NOD2: variants seen among roughly 807,000 people sequenced by gnomAD.
The protein encoded by NOD2 is nucleotide-binding oligomerization domain-containing protein 2.
Under a neutral mutation model 90.9 loss-of-function variants are expected in NOD2, and 86 were observed. The ratio of observed to expected loss-of-function variants is 0.95; its 90% CI spans 0.79 to 1.13. The LOEUF is 1.13. Ranked by LOEUF, NOD2 falls within the 50% of genes most tolerant of loss-of-function variation. The pLI is 0.00. For missense variants in NOD2, 1,238 were observed against 1,283.8 expected, an observed-to-expected ratio of 0.96 and a Z score of 0.55; for synonymous variants, 581 against 554.6, an observed-to-expected ratio of 1.05 and a Z score of -0.67.
chr16:50,698,142 C>A (rs1021959691), intron 1 of NOD2: 1 of 152,480 alleles, frequency 6.6e-6, no homozygotes, highest in Non-Finnish European at 1.5e-5. Context: ...CATGCCTACA[C>A]CCTTTCACTT....
At chr16:50,731,225 T>C (rs966577638) in intron 11 of NOD2, among the ~76,000 whole-genome samples, 1 of 152,180 alleles carries the variant, frequency 6.6e-6, no homozygotes, top group Non-Finnish European at 1.5e-5. Context: ...AGATTTTTCC[T>C]TCTGTATGAT....
At chr16:50,724,535 G>T (rs1446336919) in intron 9 of NOD2, among the ~76,000 whole-genome samples, 3 of 152,212 alleles carry the variant, frequency 2.0e-5, no homozygotes, top group African/African-American at 4.8e-5. Flanking sequence ...CAGCTTGATT[G>T]GTTGCAGCTG....
chr16:50,699,983 G>T, intron 2 of NOD2, 29 bp downstream of exon 2: 1 of 1,589,114 alleles, frequency 6.3e-7, no homozygotes. Context: ...GCATCACAGA[G>T]TTCTCAGGAA....
chr16:50,697,266 C>G lies in NOD2; in HGVS notation c.-8-2222C>G, dbSNP rs373796134. ...TTGATGGGGGAAGAGGGTGGTTCAG[C>G]CTCTCACGATGAGGAGGAAAGAGCA... On this transcript the variant is annotated intron_variant, in intron 1 of 11. Coordinates refer to ENST00000647318, the MANE Select transcript of NOD2 (RefSeq NM_001370466.1). The G allele has an allele frequency of 6.4e-6, 10 of 1,559,574 alleles. No individual in the cohort carries two copies. The African/African-American group carries it at 1.4e-4, about 21-fold the overall frequency.
chr16:50,711,813 G>C lies in NOD2; in HGVS notation c.1821G>C (p.Arg607Ser). The part of the protein sequence containing the change: ...ALLRHLFNCG[R>S]PGNSPMARLL... ...TCAGACACCTCTTCAATTGTGGCAG[G>C]CCAGGCAACTCACCAATGGCCAGGC... Residue 607 changes from arginine to serine, a missense_variant, in exon 4 of 12, where the codon AGG becomes AGC. By Grantham distance (110) the Arg-to-Ser change is moderately radical. Transcript: ENST00000647318. The C allele has an allele frequency of 6.2e-7, 1 of 1,614,126 alleles. No homozygotes were observed. Among genetic ancestry groups the C allele is most frequent in the Non-Finnish European group, 8.5e-7 (1 of 1,179,974 alleles).
intron 2 of NOD2, among the ~76,000 whole-genome samples, chr16:50,705,351 T>G (rs1044106505): frequency 6.6e-6 from 1 of 152,224 alleles, no homozygotes; most frequent in Non-Finnish European, 1.5e-5. Context: ...TTCTTTCCCC[T>G]TCCCCCCTTT....
chr16:50,707,985 A>G lies in NOD2; in HGVS notation c.565+25A>G, dbSNP rs763281385. The G allele has an allele frequency of 8.7e-6, 13 of 1,489,812 alleles. 1 individual carries two copies. In the South Asian group the frequency reaches 1.5e-4, roughly 17 times the overall value. The allele number at this position is 1,489,812 out of a possible 1,614,324, so 92.3% of individuals were successfully genotyped here. A position where few individuals can be genotyped will look rare whatever the true frequency, so the allele number is the denominator to read the frequency against. ...GGTAGGTGTATGTTCTCAGTTAATC[A>G]GAAAGGGAAGGGCAGTCAGTGCAGA... On this transcript the variant is annotated intron_variant, in intron 3 of 11. Coordinates refer to ENST00000647318, the MANE Select transcript of NOD2 (RefSeq NM_001370466.1).
intron 9 of NOD2, 34 bp from the exon 10 acceptor site, chr16:50,725,455 G>A: frequency 6.6e-7 from 1 of 1,521,480 alleles, no homozygotes; most frequent in Non-Finnish European, 9.1e-7. Context: ...AATCAATGTT[G>A]TATCAACTGG....
intron 2 of NOD2, among the ~76,000 whole-genome samples, chr16:50,703,587 C>T (rs7500036): frequency 0.2 from 30,711 of 150,540 alleles, 3,837 homozygotes; most frequent in Non-Finnish European, 0.29. Context: ...TGCAGTGAGC[C>T]GAGATCGCAC....
At chr16:50,723,982 T>G (rs906182289) in intron 9 of NOD2, among the ~76,000 whole-genome samples, 3 of 152,164 alleles carry the variant, frequency 2.0e-5, no homozygotes, top group African/African-American at 2.4e-5. Context: ...CTAGGAGCAC[T>G]GGGTATTCAA....
At chr16:50,717,060 C>A in intron 6 of NOD2, 86 bp downstream of exon 6, 2 of 1,143,810 alleles carry the variant, frequency 1.7e-6, no homozygotes, top group Non-Finnish European at 2.7e-6. Context: ...CTGGCACTGC[C>A]CACACTGGCT....
At chr16:50,725,233 A>G (rs1324863536) in intron 9 of NOD2, among the ~76,000 whole-genome samples, 1 of 152,266 alleles carries the variant, frequency 6.6e-6, no homozygotes, top group Non-Finnish European at 1.5e-5. Context: ...GACTTCCATT[A>G]ATAAGGAAGA....
intron 10 of NOD2, among the ~76,000 whole-genome samples, chr16:50,727,138 CAAA>C (rs1184511634): frequency 8.1e-5 from 7 of 86,928 alleles, no homozygotes; most frequent in Non-Finnish European, 1.1e-4. Flanking sequence ...ACTTCCATCT[CAAA>C]AAAAAAAAAA....
intron 3 of NOD2, among the ~76,000 whole-genome samples, chr16:50,709,262 C>T (rs1026969671): frequency 3.9e-5 from 6 of 152,124 alleles, no homozygotes; most frequent in Non-Finnish European, 7.3e-5. Flanking sequence ...AAACACAGGG[C>T]GTCCCCTTTG....
chr16:50,722,684 A>C lies in NOD2; in HGVS notation c.2696A>C (p.His899Pro), dbSNP rs761500764. 2 of 1,614,244 alleles carry C rather than the reference A, an allele frequency of 1.2e-6. No individual in the cohort carries two copies. The highest frequency in any genetic ancestry group is 1.7e-6 in the Non-Finnish European group (2 of 1,180,032). The change falls in exon 8 of 12, where the codon CAC (histidine) becomes CCC (proline). Residue 899 changes from histidine (H) to proline (P), a missense_variant. His to Pro is a moderately conservative substitution (Grantham distance 77). Transcript: ENST00000647318. ...AQALAEALGD[H>P]QSLRWLSLVG... ...GCCCTGGCTGAAGCCTTGGGTGATC[A>C]CCAGAGCTTGAGGTGGCTCAGGTAA... is the stretch of plus-strand genomic sequence containing the variant.
chr16:50,708,669 C>T (rs1964315493), intron 3 of NOD2, among the ~76,000 whole-genome samples: 1 of 152,186 alleles, frequency 6.6e-6, no homozygotes, highest in South Asian at 2.1e-4. Flanking sequence ...GCAAGCCTGG[C>T]ACTCTTTAGG....
chr16:50,703,445 C>T (rs1205661259), intron 2 of NOD2, among the ~76,000 whole-genome samples: 1 of 152,144 alleles, frequency 6.6e-6, no homozygotes, highest in Non-Finnish European at 1.5e-5. Context: ...CGAGACCATC[C>T]TGGCCAACAT....
intron 1 of NOD2, among the ~76,000 whole-genome samples, chr16:50,698,215 C>T (rs1377469243): frequency 2.6e-5 from 4 of 152,218 alleles, no homozygotes; most frequent in Non-Finnish European, 4.4e-5. Flanking sequence ...GCAGAACTGA[C>T]CATGCTGAGA....
chr16:50,723,459 G>A, intron 9 of NOD2, 75 bp downstream of exon 9: 5 of 1,327,558 alleles, frequency 3.8e-6, no homozygotes, highest in Non-Finnish European at 5.4e-6. Flanking sequence ...ATCCATAGGA[G>A]CGGTTGTGTG....
Sources: allele counts gnomAD v4.1 joint callset (sites outside exome capture counted in the v4.1 genomes callset), GRCh38; gene constraint gnomAD v4.1.1; transcripts MANE v1.5; gene names NCBI Gene and HGNC (gene_info 2026-07-23, HGNC 2026-07-21).